Variants in ROBO1 observed in about 807,000 individuals in gnomAD.
The protein encoded by ROBO1 is roundabout guidance receptor 1.
Under a neutral mutation model 195.9 loss-of-function variants are expected in ROBO1, and 149 were observed. That is an observed-to-expected ratio of 0.76 (90% CI 0.67 to 0.87). ROBO1 has a LOEUF of 0.87. Among genes scored for constraint, ROBO1 ranks in the 40% least tolerant of loss-of-function variants. The probability of loss-of-function intolerance (pLI) is 0.00; values close to 1 mark genes in which losing one functional copy is unlikely to be tolerated. For missense variants in ROBO1, 1,933 were observed against 2,068.3 expected (o/e 0.93, Z 1.27); for synonymous variants, 816 against 733.2 (o/e 1.11, Z -1.82).
At chr3:79,738,937 A>C (rs1703506379) in intron 1 of ROBO1, among the ~76,000 whole-genome samples, 2 of 152,162 alleles carry the variant, frequency 1.3e-5, no homozygotes, top group Admixed American at 6.5e-5. Context: ...TTGCTACTGA[A>C]ATACTGAGAA....
chr3:79,020,415 G>A (rs975794552), intron 3 of ROBO1, among the ~76,000 whole-genome samples: 4 of 152,200 alleles, frequency 2.6e-5, no homozygotes, highest in Non-Finnish European at 5.9e-5. Flanking sequence ...ACAGTGGCCA[G>A]GCGCTGTGGC....
chr3:79,069,050 C>CT (rs2079046706), intron 3 of ROBO1, among the ~76,000 whole-genome samples: 1 of 151,724 alleles, frequency 6.6e-6, no homozygotes, highest in Non-Finnish European at 1.5e-5. Context: ...CCAATGTTTA[C>CT]TTTTTGATCA....
intron 26 of ROBO1, among the ~76,000 whole-genome samples, chr3:78,623,420 A>T (rs1455475567): frequency 2.0e-5 from 3 of 152,176 alleles, no homozygotes; most frequent in Non-Finnish European, 2.9e-5. Flanking sequence ...ACTAGAAGAA[A>T]CTTAGAGTGA....
chr3:79,468,114 C>T (rs1379350401), intron 2 of ROBO1, among the ~76,000 whole-genome samples: 1 of 152,196 alleles, frequency 6.6e-6, no homozygotes, highest in Non-Finnish European at 1.5e-5. Flanking sequence ...AGGCTAGACT[C>T]ACAAAACAAA....
chr3:79,178,552 C>T (rs1365180496), intron 2 of ROBO1, among the ~76,000 whole-genome samples: 1 of 152,094 alleles, frequency 6.6e-6, no homozygotes, highest in Non-Finnish European at 1.5e-5. Flanking sequence ...AGATGGCTGT[C>T]AGAATAAAAT....
At chr3:79,042,846 G>A (rs1355206883) in intron 3 of ROBO1, among the ~76,000 whole-genome samples, 2 of 152,164 alleles carry the variant, frequency 1.3e-5, no homozygotes, top group South Asian at 4.2e-4. Context: ...AATAAAATCT[G>A]AATTCTAAAT....
intron 2 of ROBO1, among the ~76,000 whole-genome samples, chr3:79,512,494 ACTT>A (rs1481944010): frequency 6.6e-6 from 1 of 152,118 alleles, no homozygotes; most frequent in Non-Finnish European, 1.5e-5. Context: ...GTGCAACTAA[ACTT>A]CTGCTGCTAG....
chr3:79,201,071 G>T (rs2081754354), intron 2 of ROBO1, among the ~76,000 whole-genome samples: 1 of 151,828 alleles, frequency 6.6e-6, no homozygotes, highest in Non-Finnish European at 1.5e-5. Context: ...TGGCCACAGA[G>T]GATATCCTTT....
intron 1 of ROBO1, among the ~76,000 whole-genome samples, chr3:79,713,122 G>A (rs1212492164): frequency 6.8e-6 from 1 of 147,672 alleles, no homozygotes; most frequent in East Asian, 2.0e-4. Context: ...CTTATTGCTT[G>A]GAAAGAAAAG....
chr3:78,670,887 A>G (rs3773224), intron 10 of ROBO1, among the ~76,000 whole-genome samples: 38,385 of 152,054 alleles, frequency 0.25, 5,012 homozygotes, highest in African/African-American at 0.31. Flanking sequence ...ATTACAATAT[A>G]CATGGGAGAA....
chr3:79,736,229 T>C (rs1251063079), intron 1 of ROBO1, among the ~76,000 whole-genome samples: 1 of 152,116 alleles, frequency 6.6e-6, no homozygotes, highest in Non-Finnish European at 1.5e-5. Flanking sequence ...GTAACGGAGC[T>C]TGATGCATCC....
intron 2 of ROBO1, among the ~76,000 whole-genome samples, chr3:79,506,308 TAACCAGC>T (rs1452573049): frequency 6.6e-6 from 1 of 152,116 alleles, no homozygotes; most frequent in East Asian, 1.9e-4. Flanking sequence ...GTAAGATGCC[TAACCAGC>T]AACGGGGTGA....
chr3:79,211,705 C>T (rs2081968238), intron 2 of ROBO1, among the ~76,000 whole-genome samples: 1 of 152,150 alleles, frequency 6.6e-6, no homozygotes, highest in African/African-American at 2.4e-5. Context: ...TTTTGAGTTG[C>T]TTCAGAGAGC....
rs1275626148 is a variant in ROBO1 at position 79,700,307 on chromosome 3, GTGTGTGTGTT to G, written c.-51+67435_-51+67444del. On this transcript the variant is annotated intron_variant, in intron 1 of 30. Transcript: ENST00000464233. ...TGAACACGTGTGTGTGTGTGTTTGT[GTGTGTGTGTT>G]TGTGTGTGTGTGTGTGTGTGTGTGT... Among the ~76,000 whole-genome samples the G allele has an allele frequency of 2.7e-3, 293 of 109,958 alleles. 1 individual carries two copies. Among genetic ancestry groups the G allele is most frequent in the Middle Eastern group, 0.018 (4 of 224 alleles). The allele number at this position is 109,958 out of a possible 152,430, so 72.1% of individuals were successfully genotyped here.
chr3:78,931,901 A>T (rs2039553034), intron 4 of ROBO1, among the ~76,000 whole-genome samples: 1 of 152,138 alleles, frequency 6.6e-6, no homozygotes, highest in African/African-American at 2.4e-5. Flanking sequence ...GCTTGAGCCC[A>T]GGAAGTTGAG....
chr3:79,418,957 T>C (rs1464881435), intron 2 of ROBO1, among the ~76,000 whole-genome samples: 1 of 152,136 alleles, frequency 6.6e-6, no homozygotes, highest in Non-Finnish European at 1.5e-5. Flanking sequence ...GGATGAATGA[T>C]GACTAGTGTT....
chr3:78,955,564 G>C (rs868868413), intron 3 of ROBO1, among the ~76,000 whole-genome samples: 7 of 152,054 alleles, frequency 4.6e-5, no homozygotes, highest in African/African-American at 1.4e-4. Flanking sequence ...AGTTACATCA[G>C]ATTTTCATGG....
At chr3:78,718,518 T>C (rs961833936) in intron 5 of ROBO1, among the ~76,000 whole-genome samples, 2 of 152,066 alleles carry the variant, frequency 1.3e-5, no homozygotes, top group Non-Finnish European at 2.9e-5. Flanking sequence ...AAAGACATGC[T>C]TGGGTACACT....
In ROBO1 at chr3:79,237,246, C is replaced by G. The variant is rs570634690; in HGVS notation, c.89-111707G>C. On this transcript the variant is annotated intron_variant, in intron 2 of 30. Coordinates refer to ENST00000464233, the MANE Select transcript of ROBO1 (RefSeq NM_002941.4). Reference sequence around the variant, plus strand: ...GCCTGTAATCCCACCACTTTGGGAGCCCGAGGCGGGCGGATCACGAGGTCA... The same window carrying G: ...GCCTGTAATCCCACCACTTTGGGAGGCCGAGGCGGGCGGATCACGAGGTCA... Among the ~76,000 whole-genome samples, 24 of 152,082 alleles carry G rather than the reference C, an allele frequency of 1.6e-4. No homozygotes were observed. In the South Asian group the frequency reaches 5.0e-3, roughly 32 times the overall value.
Sources: allele counts gnomAD v4.1 joint callset (sites outside exome capture counted in the v4.1 genomes callset), GRCh38; gene constraint gnomAD v4.1.1; transcripts MANE v1.5; gene names NCBI Gene and HGNC (gene_info 2026-07-23, HGNC 2026-07-21).